Variants in WDPCP observed in about 807,000 individuals in gnomAD.
WDPCP encodes WD repeat containing planar cell polarity effector, also known as WD repeat-containing and planar cell polarity effector protein fritz homolog.
A neutral mutation model predicts 93.1 loss-of-function variants in WDPCP; 71 were observed. That is an observed-to-expected ratio of 0.76 (90% CI 0.63 to 0.93). WDPCP has a LOEUF of 0.93. WDPCP is among the 40% of genes least tolerant of loss of function. The pLI is 0.00. For missense variants in WDPCP, 844 were observed against 887.4 expected (o/e 0.95, Z 0.62); for synonymous variants, 315 against 315.0 (o/e 1.00, Z 0.00).
At position 63,464,288 on chromosome 2, in the gene WDPCP, T is replaced by A. The variant is rs1291350704; in HGVS notation, c.384+20316A>T. 3.9e-5 allele frequency among the ~76,000 whole-genome samples: 6 copies of A among 152,094 alleles called. No homozygotes were observed. In the East Asian group the frequency reaches 1.2e-3, roughly 29 times the overall value. On this transcript the variant is annotated intron_variant, in intron 6 of 17. Coordinates refer to ENST00000272321, the MANE Select transcript of WDPCP (RefSeq NM_015910.7). ...ATACTCAACATTACTAATCATTAGATAACTGCAAATCAAAATCACAATGAA... is the reference window on the plus strand; with the variant it reads ...ATACTCAACATTACTAATCATTAGAAAACTGCAAATCAAAATCACAATGAA...
intron 2 of WDPCP, among the ~76,000 whole-genome samples, chr2:63,737,909 A>G (rs1466797638): frequency 6.6e-6 from 1 of 152,138 alleles, no homozygotes; most frequent in Non-Finnish European, 1.5e-5. Context: ...TGTTTGAGTT[A>G]GTATACATCT....
intron 13 of WDPCP, among the ~76,000 whole-genome samples, chr2:63,302,607 T>A (rs1685417982): frequency 6.6e-6 from 1 of 152,232 alleles, no homozygotes; most frequent in African/African-American, 2.4e-5. Context: ...GTTGGGCTTT[T>A]GGCTTCTCTC....
intron 12 of WDPCP, among the ~76,000 whole-genome samples, chr2:63,318,570 G>A (rs576584502): frequency 6.6e-6 from 1 of 152,264 alleles, no homozygotes; most frequent in East Asian, 1.9e-4. Context: ...ATACACCATG[G>A]AATACTATGC....
intron 1 of WDPCP, among the ~76,000 whole-genome samples, chr2:63,539,458 G>C (rs1704548874): frequency 6.6e-6 from 1 of 152,196 alleles, no homozygotes; most frequent in African/African-American, 2.4e-5. Flanking sequence ...CACTTTGGGA[G>C]GCCAAGGAGG....
intron 2 of WDPCP, among the ~76,000 whole-genome samples, chr2:63,653,394 G>A (rs145209014): frequency 7.9e-5 from 12 of 152,166 alleles, no homozygotes; most frequent in African/African-American, 2.9e-4. Flanking sequence ...TGGAGAATTC[G>A]GTAGACACCC....
chr2:63,674,792 C>A (rs1418120190), intron 2 of WDPCP, among the ~76,000 whole-genome samples: 5 of 151,948 alleles, frequency 3.3e-5, no homozygotes, highest in African/African-American at 1.2e-4. Context: ...TTTTGACTCT[C>A]ATTTTCTTTG....
At position 63,388,016 on chromosome 2, in the gene WDPCP, T is replaced by C. The variant is rs942110590; in HGVS notation, c.1436-5922A>G. 1.2e-4 allele frequency among the ~76,000 whole-genome samples: 18 copies of C among 152,114 alleles called. 1 individual carries two copies. The highest frequency in any genetic ancestry group is 3.9e-4 in the African/African-American group (16 of 41,526). On this transcript the variant is annotated intron_variant, in intron 10 of 17. Coordinates refer to ENST00000272321, the MANE Select transcript of WDPCP (RefSeq NM_015910.7). Reference sequence around the variant, plus strand: ...AAAACATTCAAAGCTCATGGATAGGTAGAATCAATATCATTAAAATGACTT... The same window carrying C: ...AAAACATTCAAAGCTCATGGATAGGCAGAATCAATATCATTAAAATGACTT...
intron 3 of WDPCP, among the ~76,000 whole-genome samples, chr2:63,627,330 G>C (rs1709820438): frequency 6.6e-6 from 1 of 152,162 alleles, no homozygotes; most frequent in East Asian, 1.9e-4. Flanking sequence ...AGAGATTAGA[G>C]AGACATAGAG....
intron 15 of WDPCP, among the ~76,000 whole-genome samples, chr2:63,161,503 A>G (rs1672640246): frequency 6.6e-6 from 1 of 152,204 alleles, no homozygotes; most frequent in African/African-American, 2.4e-5. Context: ...GCAATATTTC[A>G]TGATTTTGAA....
chr2:63,586,627 A>C (rs1017854523), intron 1 of WDPCP, among the ~76,000 whole-genome samples: 5 of 152,244 alleles, frequency 3.3e-5, no homozygotes, highest in Non-Finnish European at 7.3e-5. Flanking sequence ...AGTAACTTAC[A>C]ATCAGTGCTA....
intron 1 of WDPCP, among the ~76,000 whole-genome samples, chr2:63,496,118 T>A (rs1670444260): frequency 6.6e-6 from 1 of 152,210 alleles, no homozygotes; most frequent in African/African-American, 2.4e-5. Flanking sequence ...TACTAATTTA[T>A]GACAATCTGC....
At chr2:63,552,926 T>C (rs1705793402) in intron 1 of WDPCP, among the ~76,000 whole-genome samples, 1 of 152,194 alleles carries the variant, frequency 6.6e-6, no homozygotes, top group Non-Finnish European at 1.5e-5. Context: ...CTAAAGGTGA[T>C]TTCTACTAAG....
chr2:63,249,775 A>C (rs1680571694), intron 14 of WDPCP, among the ~76,000 whole-genome samples: 1 of 151,946 alleles, frequency 6.6e-6, no homozygotes. Context: ...ATGTTCAAAG[A>C]CCCCCAGTGA....
At chr2:63,470,769 C>T (rs931326600) in intron 6 of WDPCP, among the ~76,000 whole-genome samples, 1 of 152,196 alleles carries the variant, frequency 6.6e-6, no homozygotes, top group Non-Finnish European at 1.5e-5. Flanking sequence ...AGACATATAA[C>T]TAGTGTCACA....
intron 14 of WDPCP, among the ~76,000 whole-genome samples, chr2:63,205,175 TTAGC>T (rs1676242699): frequency 6.6e-6 from 1 of 152,192 alleles, no homozygotes; most frequent in Non-Finnish European, 1.5e-5. Flanking sequence ...TTGTTTCTGG[TTAGC>T]TATTTTGTTC....
chr2:63,183,819 T>C (rs1674426032), intron 14 of WDPCP, among the ~76,000 whole-genome samples: 1 of 152,150 alleles, frequency 6.6e-6, no homozygotes, highest in African/African-American at 2.4e-5. Flanking sequence ...TTGGTGTGTA[T>C]ATATTCAGGA....
At chr2:63,833,643 T>C in the WDPCP span, among the ~76,000 whole-genome samples, 1 of 152,220 alleles carries the variant, frequency 6.6e-6, no homozygotes, top group African/African-American at 2.4e-5. Context: ...TCATCTATAA[T>C]GTTGAGGAAT....
rs148746589 is a variant in WDPCP at position 63,773,464 on chromosome 2, A to AG, written n.308+40157dup. Among the ~76,000 whole-genome samples, 900 of 152,126 alleles carry AG rather than the reference A, an allele frequency of 5.9e-3. 14 individuals are homozygous for AG. The highest frequency in any genetic ancestry group is 0.02 in the African/African-American group (842 of 41,542). ...GGGAAGGGTGACTGGGAAGGGCACA[A>AG]GGGGGGATTTCTGAGGTGCCAGTAG... is the stretch of plus-strand genomic sequence containing the variant. On this transcript the variant is annotated intron_variant and non_coding_transcript_variant, in intron 2 of 4. Transcript: ENST00000467687.
chr2:63,837,886 C>T, the WDPCP span, among the ~76,000 whole-genome samples: 3 of 152,108 alleles, frequency 2.0e-5, no homozygotes, highest in Non-Finnish European at 2.9e-5. Context: ...GGAGGATTAC[C>T]TGAGGTCAGG....
Sources: allele counts gnomAD v4.1 joint callset (sites outside exome capture counted in the v4.1 genomes callset), GRCh38; gene constraint gnomAD v4.1.1; transcripts MANE v1.5; gene names NCBI Gene and HGNC (gene_info 2026-07-23, HGNC 2026-07-21).